The following LAMA3 variants were observed in gnomAD, a reference collection of about 807,000 sequenced individuals.
The protein encoded by LAMA3 is laminin subunit alpha-3.
LAMA3 carries 281 observed loss-of-function variants against 402.0 expected under a neutral mutation model. That is an observed-to-expected ratio of 0.70 (90% CI 0.63 to 0.77). LAMA3 has a LOEUF of 0.77. Among genes scored for constraint, LAMA3 ranks in the 30% least tolerant of loss-of-function variants. LAMA3 has a pLI of 0.00. For synonymous variants in LAMA3, 1,431 were observed against 1,558.4 expected (o/e 0.92, Z 1.93); for missense variants, 3,840 against 4,215.5 (o/e 0.91, Z 2.47).
chr18:23,876,726 C>T (rs1012824601), intron 39 of LAMA3, among the ~76,000 whole-genome samples: 13 of 152,154 alleles, frequency 8.5e-5, no homozygotes. Context: ...TAATCCAAGC[C>T]ACTACTTTGG....
chr18:23,751,039 T>C lies in LAMA3; in HGVS notation c.806T>C (p.Leu269Pro). The C allele has an allele frequency of 6.2e-7, 1 of 1,614,192 alleles. No homozygotes were observed. The highest frequency in any genetic ancestry group is 8.5e-7 in the Non-Finnish European group (1 of 1,180,032). Reference protein sequence around the residue: ...RLRFLRTNTLLGHLISKAQRD... With the variant: ...RLRFLRTNTLPGHLISKAQRD... ...CGTTTTCTTAGAACCAATACGCTTC[T>C]TGGACACCTCATCTCCAAAGCCCAG... The change falls in exon 5 of 75, where the codon CTT (leucine) becomes CCT (proline). Residue 269 changes from leucine to proline, a missense_variant. By Grantham distance (98) the Leu-to-Pro change is moderately conservative. Transcript: ENST00000313654.
At chr18:23,734,411 C>G (rs1598674649) in intron 2 of LAMA3, among the ~76,000 whole-genome samples, 1 of 152,352 alleles carries the variant, frequency 6.6e-6, no homozygotes, top group South Asian at 2.1e-4. Context: ...GCAGAGCCCA[C>G]CTTCAGTACA....
chr18:23,705,004 T>C (rs2060859715), intron 1 of LAMA3, among the ~76,000 whole-genome samples: 1 of 152,224 alleles, frequency 6.6e-6, no homozygotes, highest in Non-Finnish European at 1.5e-5. Flanking sequence ...TAGTTGTTTA[T>C]GGGAACAGTC....
chr18:23,716,320 G>C (rs2061098729), intron 2 of LAMA3, among the ~76,000 whole-genome samples: 1 of 152,112 alleles, frequency 6.6e-6, no homozygotes, highest in Non-Finnish European at 1.5e-5. Context: ...ACCATGCCTG[G>C]CTAACTTTTT....
intron 6 of LAMA3, among the ~76,000 whole-genome samples, chr18:23,756,455 C>A (rs1447907395): frequency 4.0e-5 from 6 of 149,116 alleles, no homozygotes; most frequent in African/African-American, 1.2e-4. Flanking sequence ...CCCGCCCCCA[C>A]CCCCCCGCCA....
At position 23,955,023 on chromosome 18, in the gene LAMA3, G is replaced by A; in HGVS notation, c.*375G>A. ...ATATGAAACTTTCATATATGTTAAA[G>A]GATTATAATTTATGGAATTAAAAAA... On this transcript the variant is annotated 3_prime_UTR_variant, in exon 75 of 75. Coordinates refer to ENST00000313654, the MANE Select transcript of LAMA3 (RefSeq NM_198129.4). 2 of 262,422 alleles carry A rather than the reference G, an allele frequency of 7.6e-6. No individual in the cohort carries two copies. Among genetic ancestry groups the A allele is most frequent in the South Asian group, 4.2e-5 (1 of 23,776 alleles). 16.3% of individuals were successfully genotyped at this position (262,422 alleles called of 1,614,324 possible).
intron 68 of LAMA3, among the ~76,000 whole-genome samples, 187 bp from the exon 69 acceptor site, chr18:23,943,601 T>C (rs184659155): frequency 1.3e-5 from 2 of 152,348 alleles, no homozygotes; most frequent in East Asian, 3.9e-4. Flanking sequence ...AACAAAACCA[T>C]TAACAGCTGG....
At chr18:23,871,895 G>A (rs2064535054) in intron 38 of LAMA3, among the ~76,000 whole-genome samples, 1 of 152,194 alleles carries the variant, frequency 6.6e-6, no homozygotes, top group Admixed American at 6.5e-5. Flanking sequence ...TAGATGCTGA[G>A]GGTTAGAGAA....
intron 13 of LAMA3, 30 bp from the exon 14 acceptor site, chr18:23,813,027 A>G (rs756051049): frequency 6.5e-7 from 1 of 1,526,994 alleles, no homozygotes; most frequent in Non-Finnish European, 9.1e-7. Context: ...AAACTACCAG[A>G]TAATTTAAAA....
At chr18:23,759,141 C>A (rs2061915905) in intron 7 of LAMA3, among the ~76,000 whole-genome samples, 1 of 151,058 alleles carries the variant, frequency 6.6e-6, no homozygotes, top group South Asian at 2.1e-4. Flanking sequence ...GAGTTGGAAA[C>A]CAGCCTAGGC....
chr18:23,894,627 C>A (rs2080810160), intron 43 of LAMA3, among the ~76,000 whole-genome samples: 1 of 152,164 alleles, frequency 6.6e-6, no homozygotes, highest in Admixed American at 6.5e-5. Flanking sequence ...TATCACAATG[C>A]CTGGTAAATT....
At chr18:23,840,017 C>T in intron 27 of LAMA3, 88 bp downstream of exon 27, 1 of 1,380,616 alleles carries the variant, frequency 7.2e-7, no homozygotes, top group Non-Finnish European at 1.0e-6. Flanking sequence ...GTCAGCAATG[C>T]AGATTCACAG....
chr18:23,831,759 C>A (rs1005008785), intron 23 of LAMA3, among the ~76,000 whole-genome samples: 3 of 152,076 alleles, frequency 2.0e-5, no homozygotes, highest in African/African-American at 7.2e-5. Flanking sequence ...TCATTTGAAT[C>A]CTCATTTTGA....
chr18:23,738,367 C>T (rs2146047261), intron 2 of LAMA3, among the ~76,000 whole-genome samples: 2 of 152,138 alleles, frequency 1.3e-5, no homozygotes, highest in African/African-American at 4.8e-5. Context: ...TCCTCCCTCC[C>T]TCCTTCTGGA....
chr18:23,916,788 T>C (rs2081640972), intron 60 of LAMA3, 93 bp downstream of exon 60: 2 of 1,228,654 alleles, frequency 1.6e-6, no homozygotes, highest in Non-Finnish European at 2.4e-6. Context: ...ACCCACTAGA[T>C]CTGGAAAACA....
chr18:23,786,248 A>C (rs781574919), intron 12 of LAMA3, among the ~76,000 whole-genome samples: 1 of 152,166 alleles, frequency 6.6e-6, no homozygotes, highest in Non-Finnish European at 1.5e-5. Flanking sequence ...ATCTACCCAT[A>C]TGTGTTGCCA....
At chr18:23,711,515 A>G (rs1417073607) in intron 1 of LAMA3, among the ~76,000 whole-genome samples, 3 of 152,212 alleles carry the variant, frequency 2.0e-5, no homozygotes, top group Non-Finnish European at 4.4e-5. Flanking sequence ...ACCATTTAAA[A>G]CAAATTACAG....
intron 12 of LAMA3, among the ~76,000 whole-genome samples, chr18:23,806,485 C>T (rs2062964684): frequency 6.6e-6 from 1 of 152,056 alleles, no homozygotes; most frequent in South Asian, 2.1e-4. Flanking sequence ...ATGACAGCTG[C>T]CTCAGGGGAG....
rs1015527834 is a variant in LAMA3 at position 23,693,583 on chromosome 18, G to A, written c.294+3606G>A. ...AGTGCATTATATACTGAACACATTT[G>A]CCATGCTAAATAATCCACTGGCATA... is the stretch of plus-strand genomic sequence containing the variant. On this transcript the variant is annotated intron_variant, in intron 1 of 74. Transcript: ENST00000313654. 7.3e-5 allele frequency among the ~76,000 whole-genome samples: 11 copies of A among 150,576 alleles called. No homozygotes were observed. In the South Asian group the frequency reaches 8.4e-4, roughly 11 times the overall value.
Sources: allele counts gnomAD v4.1 joint callset (sites outside exome capture counted in the v4.1 genomes callset), GRCh38; gene constraint gnomAD v4.1.1; transcripts MANE v1.5; gene names NCBI Gene and HGNC (gene_info 2026-07-23, HGNC 2026-07-21).